C12orf42: variants seen among roughly 807,000 people sequenced by gnomAD.
C12orf42 encodes the protein chromosome 12 open reading frame 42, also known as uncharacterized protein C12orf42.
C12orf42 carries 25 observed loss-of-function variants against 21.6 expected under a neutral mutation model. The ratio of observed to expected loss-of-function variants is 1.16; its 90% CI spans 0.84 to 1.62. The LOEUF is 1.62. Ranked by LOEUF, C12orf42 falls within the 40% of genes most tolerant of loss-of-function variation. The pLI, the probability that C12orf42 is intolerant of heterozygous loss-of-function variation, is 0.00. For synonymous variants in C12orf42, 174 were observed against 175.0 expected (o/e 0.99, Z 0.05); for missense variants, 483 against 459.3 (o/e 1.05, Z -0.47).
At chr12:103,207,054 T>G in the C12orf42 span, among the ~76,000 whole-genome samples, 1 of 152,172 alleles carries the variant, frequency 6.6e-6, no homozygotes, top group African/African-American at 2.4e-5. Flanking sequence ...TGGCATGCTT[T>G]CATTAAGGAA....
the C12orf42 span, among the ~76,000 whole-genome samples, chr12:103,226,073 G>T: frequency 6.6e-6 from 1 of 152,220 alleles, no homozygotes; most frequent in African/African-American, 2.4e-5. Context: ...ACACAGATGG[G>T]ACGTGGCTTA....
chr12:103,068,172 C>A, the C12orf42 span, among the ~76,000 whole-genome samples: 26 of 152,144 alleles, frequency 1.7e-4, no homozygotes, highest in African/African-American at 6.3e-4. Context: ...GTGGGGACTG[C>A]AATTGTCATG....
chr12:103,253,199 G>T (rs563040167), intron 10 of C12orf42, among the ~76,000 whole-genome samples: 11 of 152,096 alleles, frequency 7.2e-5, no homozygotes, highest in African/African-American at 1.4e-4. Flanking sequence ...TGCTGTTTTC[G>T]TTACTGTAGC....
intron 10 of C12orf42, among the ~76,000 whole-genome samples, chr12:103,238,944 A>G (rs1453139783): frequency 6.6e-6 from 1 of 152,206 alleles, no homozygotes; most frequent in African/African-American, 2.4e-5. Flanking sequence ...GATGTCGACC[A>G]TGGCTGGCAG....
intron 5 of C12orf42, 121 bp from the exon 6 acceptor site, chr12:103,302,680 GAAAA>G: frequency 4.3e-6 from 2 of 467,690 alleles, no homozygotes; most frequent in Non-Finnish European, 7.0e-6. Context: ...AGAGGGGAAA[GAAAA>G]AAAAAAAAAA....
the C12orf42 span, among the ~76,000 whole-genome samples, chr12:103,146,322 A>T: frequency 6.6e-6 from 1 of 151,640 alleles, no homozygotes. Context: ...TTTATTAAAA[A>T]TACAAAAATG....
chr12:103,497,765 C>T (rs1345632103), upstream of C12orf42, among the ~76,000 whole-genome samples: 1 of 152,208 alleles, frequency 6.6e-6, no homozygotes, highest in Non-Finnish European at 1.5e-5. Flanking sequence ...GGCACGGTGG[C>T]TCACGCCTAT....
chr12:103,553,335 G>A, the C12orf42 span, among the ~76,000 whole-genome samples: 2 of 152,088 alleles, frequency 1.3e-5, no homozygotes, highest in Non-Finnish European at 2.9e-5. Flanking sequence ...AGTATAAGAA[G>A]GCATATGACT....
intron 2 of C12orf42, among the ~76,000 whole-genome samples, chr12:103,403,249 G>A (rs183865293): frequency 4.9e-4 from 75 of 152,092 alleles, no homozygotes; most frequent in East Asian, 4.5e-3. Flanking sequence ...GGTGGCGGGC[G>A]CCTGTAGTCC....
intron 4 of C12orf42, among the ~76,000 whole-genome samples, chr12:103,345,249 A>G (rs2042512734): frequency 6.6e-6 from 1 of 152,190 alleles, no homozygotes; most frequent in Non-Finnish European, 1.5e-5. Flanking sequence ...ACTGGGAATT[A>G]TTCACCTCTC....
chr12:103,249,520 A>G (rs969369392), intron 10 of C12orf42, among the ~76,000 whole-genome samples: 1 of 152,032 alleles, frequency 6.6e-6, no homozygotes, highest in Non-Finnish European at 1.5e-5. Flanking sequence ...TTCTAAAGAG[A>G]GCAAAATCCT....
At chr12:103,525,176 C>A in the C12orf42 span, among the ~76,000 whole-genome samples, 6 of 152,032 alleles carry the variant, frequency 3.9e-5, no homozygotes, top group Non-Finnish European at 8.8e-5. Flanking sequence ...TGCCACCAGA[C>A]CCAGCTAATT....
the C12orf42 span, among the ~76,000 whole-genome samples, chr12:103,068,987 AT>A: frequency 1.0e-5 from 1 of 96,892 alleles, no homozygotes; most frequent in Non-Finnish European, 2.0e-5. Flanking sequence ...ATATATATAT[AT>A]ATAATCCTAT....
the C12orf42 span, among the ~76,000 whole-genome samples, chr12:103,205,917 A>G: frequency 6.6e-6 from 1 of 152,164 alleles, no homozygotes; most frequent in Admixed American, 6.5e-5. Flanking sequence ...AAAGTATATA[A>G]AAGAAGGAGC....
chr12:103,546,136 C>T, the C12orf42 span, among the ~76,000 whole-genome samples: 6 of 152,108 alleles, frequency 3.9e-5, no homozygotes, highest in African/African-American at 1.2e-4. Flanking sequence ...ATGGGGATGA[C>T]GCCAATCACT....
At chr12:103,130,707 G>A in the C12orf42 span, among the ~76,000 whole-genome samples, 4 of 152,288 alleles carry the variant, frequency 2.6e-5, no homozygotes, top group African/African-American at 9.6e-5. Flanking sequence ...GAGCTCCGTA[G>A]GTAGAATGAC....
chr12:103,081,328 T>C, the C12orf42 span: 2 of 152,334 alleles, frequency 1.3e-5, no homozygotes, highest in Non-Finnish European at 2.9e-5. Context: ...CGAAAATCGC[T>C]CTTGGAGTCT....
chr12:103,441,609 G>C lies in C12orf42; in HGVS notation c.78+36740C>G, dbSNP rs553068960. 12 of 152,272 alleles carry C rather than the reference G, an allele frequency of 7.9e-5. No homozygotes were observed. The East Asian group carries it at 2.3e-3, about 29-fold the overall frequency. The allele number at this position is 152,272 out of a possible 1,614,324, so 9.4% of individuals were successfully genotyped here. The stretch of plus-strand genomic sequence containing the variant: ...GTTTGAATGACTGAAGCCCACAAAG[G>C]GAGAGTCCTCAAAAGCAGCAGTGGT... On this transcript the variant is annotated intron_variant, in intron 2 of 5. Coordinates refer to ENST00000548883, the MANE Select transcript of C12orf42 (RefSeq NM_198521.5).
At chr12:103,211,705 C>G in the C12orf42 span, among the ~76,000 whole-genome samples, 3 of 152,124 alleles carry the variant, frequency 2.0e-5, no homozygotes, top group Non-Finnish European at 4.4e-5. Context: ...CTAAATCATT[C>G]AGAACAACCA....
Sources: gnomAD v4.1 joint callset for allele counts (sites outside exome capture counted in the v4.1 genomes callset) on GRCh38, gnomAD v4.1.1 for gene constraint, MANE v1.5 for transcripts, NCBI Gene and HGNC (gene_info 2026-07-23, HGNC 2026-07-21) for gene names.